MOCS1: variants seen among roughly 807,000 people sequenced by gnomAD.
The protein encoded by MOCS1 is molybdenum cofactor biosynthesis protein 1.
A neutral mutation model predicts 57.6 loss-of-function variants in MOCS1; 39 were observed. That is an observed-to-expected ratio of 0.68 (90% CI 0.52 to 0.88). The LOEUF is 0.88. MOCS1 is among the 40% of genes least tolerant of loss of function. MOCS1 has a pLI of 0.00. For synonymous variants in MOCS1, 334 were observed against 335.7 expected (o/e 1.00, Z 0.05); for missense variants, 795 against 831.1 (o/e 0.96, Z 0.53).
chr6:39,905,953 G>T lies in MOCS1; in HGVS notation c.*404C>A. 1 of 461,690 alleles carries T rather than the reference G, an allele frequency of 2.2e-6. No homozygotes were observed. Among genetic ancestry groups the T allele is most frequent in the Middle Eastern group, 6.5e-4 (1 of 1,534 alleles). 28.6% of individuals were successfully genotyped at this position (461,690 alleles called of 1,614,324 possible). A position where few individuals can be genotyped will look rare whatever the true frequency, so the allele number is the denominator to read the frequency against. ...CTCAAAGTGGGCTCCTCTGCTTAAT[G>T]AGCGCTTAATCTCTCCCCAGGAAAG... is the stretch of plus-strand genomic sequence containing the variant. On this transcript the variant is annotated 3_prime_UTR_variant, in exon 11 of 11. Coordinates refer to ENST00000340692, the MANE Select transcript of MOCS1 (RefSeq NM_001358530.2).
At chr6:39,912,742 T>A in intron 7 of MOCS1, 150 bp downstream of exon 7, 1 of 740,512 alleles carries the variant, frequency 1.4e-6, no homozygotes. Flanking sequence ...AACAGGGAGG[T>A]GGTTGTGATA....
Position 39,912,367 on chromosome 6 carries a change from T to C in MOCS1, c.878A>G (p.Lys293Arg). 6.2e-7 allele frequency: 1 copy of C among 1,613,558 alleles called. No individual in the cohort carries two copies. Among genetic ancestry groups the C allele is most frequent in the Non-Finnish European group, 8.5e-7 (1 of 1,179,518 alleles). ...GATCTGGCCTTGGAAGCCAGGGATT[T>C]TAAAGGCCTGGGCAGGGGAGAGTGG... ...EEESSTAKAF[K>R]IPGFQGQISF... Residue 293 changes from lysine to arginine, a missense_variant, in exon 8 of 11, where the codon AAA (lysine) becomes AGA (arginine). Physicochemically the swap from Lys to Arg is conservative, Grantham distance 26. Coordinates refer to ENST00000340692, the MANE Select transcript of MOCS1 (RefSeq NM_001358530.2).
chr6:39,920,170 C>T (rs1767885358), intron 3 of MOCS1, among the ~76,000 whole-genome samples: 1 of 152,120 alleles, frequency 6.6e-6, no homozygotes, highest in African/African-American at 2.4e-5. Context: ...AGCTAATTAA[C>T]ATGTGAAGAG....
At chr6:39,908,657 G>A (rs2273853) in intron 10 of MOCS1, among the ~76,000 whole-genome samples, 8,258 of 152,220 alleles carry the variant, frequency 0.054, 289 homozygotes, top group Non-Finnish European at 0.076. Context: ...CAGATACACC[G>A]TGCATGGATC....
chr6:39,909,991 C>T, intron 8 of MOCS1, 36 bp from the exon 9 acceptor site: 2 of 1,609,960 alleles, frequency 1.2e-6, no homozygotes, highest in South Asian at 1.1e-5. Context: ...CTTCCTTACC[C>T]CTGAGCCTTG....
In MOCS1 at chr6:39,905,447, A is replaced by ATTGAT. The variant is rs756538562; in HGVS notation, c.*905_*909dup. 8.5e-6 allele frequency: 4 copies of ATTGAT among 470,916 alleles called. No individual in the cohort carries two copies. In the East Asian group the frequency reaches 2.8e-4, roughly 33 times the overall value. The allele number at this position is 470,916 out of a possible 1,614,324, so 29.2% of individuals were successfully genotyped here. A position where few individuals can be genotyped will look rare whatever the true frequency, so the allele number is the denominator to read the frequency against. On this transcript the variant is annotated 3_prime_UTR_variant, in exon 11 of 11. Transcript: ENST00000340692. ...GTCTTGGGATAGGATTGATTGATTG[A>ATTGAT]TTGATAGGTGCAGCCTTCCCTGTGA...
At chr6:39,920,967 T>C in intron 3 of MOCS1, among the ~76,000 whole-genome samples, 1 of 132,524 alleles carries the variant, frequency 7.5e-6, no homozygotes. Context: ...CAGAGCTAGA[T>C]CCGGTCTCCC....
At chr6:39,913,569 G>A (rs984060371) in intron 5 of MOCS1, 141 bp from the exon 6 acceptor site, 6 of 943,586 alleles carry the variant, frequency 6.4e-6, no homozygotes, top group African/African-American at 1.6e-5. Flanking sequence ...TCTAAGTTAC[G>A]GGATTCCTTG....
In MOCS1 at chr6:39,906,390, A is replaced by C. The variant is rs1251801223; in HGVS notation, c.1878T>G (p.Thr626=). The change falls in exon 11 of 11, where the codon ACT becomes ACG. Residue 626 remains threonine (T), a synonymous_variant. Transcript: ENST00000340692. The part of the protein sequence containing the change: ...VLEEIKLISK[T]GGQRGDFHRA ...GATGGAAGTCCCCCCGCTGACCACC[A>C]GTCTTGCTAATGAGCTTGATCTCCT... 6.3e-7 allele frequency: 1 copy of C among 1,599,652 alleles called. No individual in the cohort carries two copies. Among genetic ancestry groups the C allele is most frequent in the African/African-American group, 1.3e-5 (1 of 74,666 alleles).
At chr6:39,920,002 C>A (rs1767876041) in intron 3 of MOCS1, among the ~76,000 whole-genome samples, 1 of 152,130 alleles carries the variant, frequency 6.6e-6, no homozygotes, top group African/African-American at 2.4e-5. Context: ...AATCATTACA[C>A]ATGGTGTAAC....
At chr6:39,908,848 G>T (rs1767116515) in intron 10 of MOCS1, among the ~76,000 whole-genome samples, 1 of 152,080 alleles carries the variant, frequency 6.6e-6, no homozygotes, top group Non-Finnish European at 1.5e-5. Flanking sequence ...CATTTCTGTG[G>T]CAGGTATAGT....
At position 39,920,869 on chromosome 6, in the gene MOCS1, C is replaced by T. The variant is rs1462230060; in HGVS notation, c.419-4637G>A. ...TGGTGTGCGCCTGTAGTCCCAACTA[C>T]TCTAGAGGCTGAGGTGGGAGGATCG... is the stretch of plus-strand genomic sequence containing the variant. On this transcript the variant is annotated intron_variant, in intron 3 of 10. Transcript: ENST00000340692. 3.3e-5 allele frequency among the ~76,000 whole-genome samples: 5 copies of T among 151,932 alleles called. No homozygotes were observed. In the East Asian group the frequency reaches 5.8e-4, roughly 18 times the overall value.
At chr6:39,914,702 A>G (rs1311664883) in intron 4 of MOCS1, among the ~76,000 whole-genome samples, 1 of 152,164 alleles carries the variant, frequency 6.6e-6, no homozygotes, top group African/African-American at 2.4e-5. Flanking sequence ...CTGCTCAGTG[A>G]GAGGGTAAAG....
At chr6:39,928,968 G>A (rs1291844149) in intron 1 of MOCS1, among the ~76,000 whole-genome samples, 1 of 152,182 alleles carries the variant, frequency 6.6e-6, no homozygotes, top group Non-Finnish European at 1.5e-5. Context: ...ACATTCCAGT[G>A]GAGACCAACT....
At chr6:39,912,240 C>T in intron 8 of MOCS1, 24 bp downstream of exon 8, 1 of 1,548,624 alleles carries the variant, frequency 6.5e-7, no homozygotes, top group South Asian at 1.1e-5. Flanking sequence ...GGCAAGGGGT[C>T]CCTGTGGAGG....
rs1554188108 is a variant in MOCS1 at position 39,906,253 on chromosome 6, T to TAAACA, written c.*99_*103dup. On this transcript the variant is annotated 3_prime_UTR_variant, in exon 11 of 11. Transcript: ENST00000340692. ...CTGACTTCGGGTTTACTGCTCAAGG[T>TAAACA]AAACAAACAGTGACTGTGATTAAAG... The TAAACA allele has an allele frequency of 5.5e-6, 8 of 1,448,854 alleles. No individual in the cohort carries two copies. Among genetic ancestry groups the TAAACA allele is most frequent in the Non-Finnish European group, 7.7e-6 (8 of 1,036,118 alleles). 89.7% of individuals were successfully genotyped at this position (1,448,854 alleles called of 1,614,324 possible). A position where few individuals can be genotyped will look rare whatever the true frequency, so the allele number is the denominator to read the frequency against.
intron 9 of MOCS1, among the ~76,000 whole-genome samples, chr6:39,909,397 G>A (rs746334327): frequency 2.1e-4 from 32 of 151,996 alleles, no homozygotes; most frequent in African/African-American, 6.0e-4. Flanking sequence ...TGAAACAAAC[G>A]CGCTTGACAG....
chr6:39,909,721 T>C, intron 9 of MOCS1, 114 bp downstream of exon 9: 2 of 1,439,070 alleles, frequency 1.4e-6, no homozygotes, highest in South Asian at 2.3e-5. Context: ...ATGCTGACTC[T>C]CGCCAGCTTC....
chr6:39,913,935 C>CTCTGGTGCTTTTCTGTGGGGGTGTGGGGG, intron 4 of MOCS1, 100 bp from the exon 5 acceptor site: 1 of 1,221,030 alleles, frequency 8.2e-7, no homozygotes. Context: ...TGGAGATTGG[C>CTCTGGTGCTTTTCTGTGGGGGTGTGGGGG]AAACGTTTTC....
Sources: allele counts gnomAD v4.1 joint callset (sites outside exome capture counted in the v4.1 genomes callset), GRCh38; gene constraint gnomAD v4.1.1; transcripts MANE v1.5; gene names NCBI Gene and HGNC (gene_info 2026-07-23, HGNC 2026-07-21).